Variants in ROBO2 observed in about 807,000 individuals in gnomAD.
The protein encoded by ROBO2 is roundabout guidance receptor 2, also known as roundabout homolog 2.
ROBO2 carries 53 observed loss-of-function variants against 160.8 expected under a neutral mutation model. The observed-to-expected ratio is 0.33, with a 90% CI of 0.26 to 0.41. The LOEUF is 0.41. Among genes scored for constraint, ROBO2 ranks in the 10% least tolerant of loss-of-function variants. The probability of loss-of-function intolerance (pLI) is 1.00; values close to 1 mark genes in which losing one functional copy is unlikely to be tolerated. For synonymous variants in ROBO2, 664 were observed against 611.7 expected (o/e 1.09, Z -1.26); for missense variants, 1,577 against 1,722.4 (o/e 0.92, Z 1.49).
chr3:77,062,073 A>C (rs1343710497), intron 1 of ROBO2, among the ~76,000 whole-genome samples: 1 of 152,178 alleles, frequency 6.6e-6, no homozygotes, highest in African/African-American at 2.4e-5. Context: ...TCAAAACTGC[A>C]TCCTATGGTT....
At chr3:76,458,478 T>A (rs538956611) in intron 2 of ROBO2, among the ~76,000 whole-genome samples, 1 of 152,282 alleles carries the variant, frequency 6.6e-6, no homozygotes, top group South Asian at 2.1e-4. Context: ...CTCTAGGAAA[T>A]TCGAAACTTT....
At position 76,056,120 on chromosome 3, in the gene ROBO2, A is replaced by G. The variant is rs544208032; in HGVS notation, c.109+118518A>G. On this transcript the variant is annotated intron_variant, in intron 2 of 26. Coordinates refer to the ROBO2 transcript ENST00000487694. ...AAATAATACAAATGAAAAACAATAC[A>G]GTATAACAACTACATAGCATTCACA... Among the ~76,000 whole-genome samples, 10 of 152,386 alleles carry G rather than the reference A, an allele frequency of 6.6e-5. No individual in the cohort carries two copies. The East Asian group carries it at 1.9e-3, about 29-fold the overall frequency.
At chr3:76,901,062 A>T (rs2075187658) in intron 2 of ROBO2, among the ~76,000 whole-genome samples, 1 of 152,124 alleles carries the variant, frequency 6.6e-6, no homozygotes, top group Non-Finnish European at 1.5e-5. Context: ...ACTTAATGAG[A>T]CCCTGAGCTA....
chr3:77,206,358 C>A (rs905889713), intron 2 of ROBO2, among the ~76,000 whole-genome samples: 2 of 151,936 alleles, frequency 1.3e-5, no homozygotes, highest in Admixed American at 1.3e-4. Context: ...TTGGTGGAGA[C>A]GGGTTTTTAC....
intron 2 of ROBO2, among the ~76,000 whole-genome samples, chr3:76,844,065 G>A (rs756074449): frequency 3.9e-5 from 6 of 151,980 alleles, no homozygotes; most frequent in East Asian, 3.9e-4. Context: ...CCCTAGAAGC[G>A]TTCCGGTTCT....
At chr3:77,610,249 A>G (rs1195915592) in intron 21 of ROBO2, among the ~76,000 whole-genome samples, 1 of 152,134 alleles carries the variant, frequency 6.6e-6, no homozygotes, top group Admixed American at 6.5e-5. Context: ...AAATTTTTCT[A>G]TAATTTAGAA....
At chr3:76,886,119 G>A (rs767405332) in intron 2 of ROBO2, among the ~76,000 whole-genome samples, 2 of 152,114 alleles carry the variant, frequency 1.3e-5, no homozygotes, top group African/African-American at 2.4e-5. Context: ...GAATGCACCT[G>A]CATGTTTTTG....
chr3:76,500,066 G>A (rs2080375087), intron 2 of ROBO2, among the ~76,000 whole-genome samples: 1 of 152,080 alleles, frequency 6.6e-6, no homozygotes, highest in Non-Finnish European at 1.5e-5. Context: ...ACCGGTGGAG[G>A]GGAGGTTTTA....
intron 2 of ROBO2, among the ~76,000 whole-genome samples, chr3:76,705,225 C>G (rs1445645719): frequency 2.0e-5 from 3 of 152,090 alleles, no homozygotes; most frequent in Admixed American, 2.0e-4. Flanking sequence ...TATAATTCTT[C>G]ATATTGAAAA....
chr3:77,376,157 T>TC (rs1253822183), intron 2 of ROBO2, among the ~76,000 whole-genome samples: 9 of 144,496 alleles, frequency 6.2e-5, no homozygotes, highest in Admixed American at 2.1e-4. Context: ...TAACTTTCTT[T>TC]TTTTTTTTTT....
intron 2 of ROBO2, among the ~76,000 whole-genome samples, chr3:76,051,854 T>TATAAATTCCAATA (rs758774364): frequency 6.6e-6 from 1 of 152,024 alleles, no homozygotes; most frequent in Non-Finnish European, 1.5e-5. Flanking sequence ...CCTATAAATT[T>TATAAATTCCAATA]AGTTGATAAA....
intron 2 of ROBO2, among the ~76,000 whole-genome samples, chr3:77,230,105 T>C (rs2086983777): frequency 6.6e-6 from 1 of 152,114 alleles, no homozygotes; most frequent in Admixed American, 6.5e-5. Flanking sequence ...AGTTTTTTTT[T>C]TTGAGACAGA....
At position 76,461,248 on chromosome 3, in the gene ROBO2, A is replaced by C. The variant is rs564418523; in HGVS notation, c.109+523646A>C. ...TAGGGGAGGTGTCACATACTTTTAA[A>C]CAGTCAGATCTCACAAGATCTCACT... On this transcript the variant is annotated intron_variant, in intron 2 of 26. Transcript: ENST00000487694. 2.0e-5 allele frequency among the ~76,000 whole-genome samples: 3 copies of C among 152,210 alleles called. No individual in the cohort carries two copies. The East Asian group carries it at 5.8e-4, about 30-fold the overall frequency.
chr3:77,572,117 T>C (rs1583024395), intron 13 of ROBO2, among the ~76,000 whole-genome samples: 1 of 151,928 alleles, frequency 6.6e-6, no homozygotes, highest in East Asian at 1.9e-4. Flanking sequence ...ATTTACAGAC[T>C]CCCTTCATCT....
intron 2 of ROBO2, among the ~76,000 whole-genome samples, chr3:76,916,508 AT>A (rs1240222427): frequency 6.8e-6 from 1 of 147,378 alleles, no homozygotes; most frequent in African/African-American, 2.4e-5. Context: ...TGCCCCACTA[AT>A]TTTTTTATTG....
intron 2 of ROBO2, among the ~76,000 whole-genome samples, chr3:76,493,337 T>TTTTATATATATATATATATATA (rs1460408407): frequency 9.5e-6 from 1 of 104,830 alleles, no homozygotes; most frequent in Non-Finnish European, 2.0e-5. Context: ...AGACAAAAAA[T>TTTTATATATATATATATATATA]TATATATATA....
intron 2 of ROBO2, among the ~76,000 whole-genome samples, chr3:77,455,450 T>C (rs972079858): frequency 9.2e-5 from 14 of 152,176 alleles, no homozygotes; most frequent in Non-Finnish European, 2.1e-4. Context: ...ATACTCTTTT[T>C]CTTTTTGAGT....
At position 76,698,993 on chromosome 3, in the gene ROBO2, T is replaced by C. The variant is rs116628190; in HGVS notation, c.110-399021T>C. Among the ~76,000 whole-genome samples, 1,180 of 152,302 alleles carry C rather than the reference T, an allele frequency of 7.7e-3. 20 individuals are homozygous for C. The highest frequency in any genetic ancestry group is 0.027 in the African/African-American group (1,130 of 41,584). ...TAACATTTTTCTCTTTAGTAAAAATTAAAGAAATAAGGTCCTTATGGACAT... is the reference window on the plus strand; with the variant it reads ...TAACATTTTTCTCTTTAGTAAAAATCAAAGAAATAAGGTCCTTATGGACAT... On this transcript the variant is annotated intron_variant, in intron 2 of 26. Coordinates refer to the ROBO2 transcript ENST00000487694.
At chr3:77,449,745 G>T (rs993970137) in intron 2 of ROBO2, among the ~76,000 whole-genome samples, 1 of 151,966 alleles carries the variant, frequency 6.6e-6, no homozygotes, top group African/African-American at 2.4e-5. Context: ...CAAAATCTGA[G>T]TTTATTTATA....
Sources: gnomAD v4.1 joint callset for allele counts (sites outside exome capture counted in the v4.1 genomes callset) on GRCh38, gnomAD v4.1.1 for gene constraint, MANE v1.5 for transcripts, NCBI Gene and HGNC (gene_info 2026-07-23, HGNC 2026-07-21) for gene names.